The following DNM3 variants were observed in gnomAD, a reference collection of about 807,000 sequenced individuals.
DNM3 encodes dynamin 3.
A neutral mutation model predicts 101.6 loss-of-function variants in DNM3; 47 were observed. That is an observed-to-expected ratio of 0.46 (90% CI 0.37 to 0.59). DNM3 has a LOEUF of 0.59. DNM3 is among the 20% of genes least tolerant of loss of function. The pLI, the probability that DNM3 is intolerant of heterozygous loss-of-function variation, is 0.00. For missense variants in DNM3, 849 were observed against 1,085.7 expected (o/e 0.78, Z 3.06); for synonymous variants, 385 against 387.9 (o/e 0.99, Z 0.09).
At chr1:172,418,298 T>C in exon 21 of DNM3, 1 of 1,289,590 alleles carries the variant, frequency 7.8e-7, no homozygotes, top group Non-Finnish European at 1.0e-6. Flanking sequence ...CCTCCTGCAG[T>C]TCCAGGACGA....
chr1:172,352,975 C>T (rs1025520710), intron 17 of DNM3, among the ~76,000 whole-genome samples: 3 of 152,134 alleles, frequency 2.0e-5, no homozygotes, highest in African/African-American at 7.2e-5. Flanking sequence ...TCTGTTTCCC[C>T]ATTCAGCACA....
At chr1:171,928,517 G>A (rs1380164974) in intron 2 of DNM3, among the ~76,000 whole-genome samples, 3 of 152,128 alleles carry the variant, frequency 2.0e-5, no homozygotes, top group Admixed American at 2.0e-4. Context: ...ACCAAGCCAG[G>A]GGTTCCCTGT....
chr1:172,288,625 G>A (rs1203989471), intron 15 of DNM3, among the ~76,000 whole-genome samples: 1 of 152,214 alleles, frequency 6.6e-6, no homozygotes. Context: ...GAATAAATGG[G>A]AGCTATTAAC....
At chr1:172,231,799 C>A (rs1018098093) in intron 14 of DNM3, among the ~76,000 whole-genome samples, 1 of 152,130 alleles carries the variant, frequency 6.6e-6, no homozygotes, top group Non-Finnish European at 1.5e-5. Flanking sequence ...GATGAATGCA[C>A]AAGCTTCAGT....
At position 172,308,772 on chromosome 1, in the gene DNM3, C is replaced by T; in HGVS notation, c.1814C>T (p.Ser605Phe). 1 of 1,609,136 alleles carries T rather than the reference C, an allele frequency of 6.2e-7. No homozygotes were observed. Among genetic ancestry groups the T allele is most frequent in the Non-Finnish European group, 8.5e-7 (1 of 1,177,970 alleles). The change falls in exon 16 of 21, where the codon TCC becomes TTC. Residue 605 changes from serine (S) to phenylalanine (F), a missense_variant. Physicochemically the swap from Ser to Phe is radical, Grantham distance 155. Transcript: ENST00000627582. ...CGCTTCCTTGAGCTGGCATGTGATTCCCAGGAGGATGTCGACAGCTGGAAG... is the reference window on the plus strand; with the variant it reads ...CGCTTCCTTGAGCTGGCATGTGATTTCCAGGAGGATGTCGACAGCTGGAAG... Reference protein sequence around the residue: ...DYRFLELACDSQEDVDSWKAS... With the variant: ...DYRFLELACDFQEDVDSWKAS...
intron 15 of DNM3, among the ~76,000 whole-genome samples, chr1:172,280,118 T>A (rs1176943868): frequency 6.6e-6 from 1 of 152,110 alleles, no homozygotes; most frequent in African/African-American, 2.4e-5. Context: ...TGTTCCTGTC[T>A]GAGGGCCTTT....
At chr1:172,064,120 T>G (rs970496802) in intron 10 of DNM3, among the ~76,000 whole-genome samples, 2 of 152,188 alleles carry the variant, frequency 1.3e-5, no homozygotes, top group African/African-American at 4.8e-5. Flanking sequence ...AATTTAGGAA[T>G]GTAATTATTA....
At chr1:172,373,866 A>G (rs1426969379) in intron 17 of DNM3, among the ~76,000 whole-genome samples, 1 of 152,110 alleles carries the variant, frequency 6.6e-6, no homozygotes, top group Non-Finnish European at 1.5e-5. Flanking sequence ...ATTAGTAGTT[A>G]TAGAACTCTC....
chr1:172,410,173 CTA>C lies in DNM3; in HGVS notation c.*2334_*2335del, dbSNP rs1213011701. 2 of 985,276 alleles carry C rather than the reference CTA, an allele frequency of 2.0e-6. No individual in the cohort carries two copies. The highest frequency in any genetic ancestry group is 2.4e-6 in the Non-Finnish European group (2 of 829,856). 61.0% of individuals were successfully genotyped at this position (985,276 alleles called of 1,614,324 possible). On this transcript the variant is annotated 3_prime_UTR_variant, in exon 21 of 21. Coordinates refer to ENST00000627582, the MANE Select transcript of DNM3 (RefSeq NM_015569.5). ...AGAATATTTTTAATTTGCTGCAGTA[CTA>C]TGTCATATTATTAGTATGAATCTCA...
At chr1:172,331,829 A>T (rs1161036707) in intron 17 of DNM3, among the ~76,000 whole-genome samples, 1 of 152,224 alleles carries the variant, frequency 6.6e-6, no homozygotes, top group Non-Finnish European at 1.5e-5. Context: ...CTTACAAATT[A>T]ATAAGGAAAG....
At chr1:172,118,257 T>C (rs1478855774) in intron 13 of DNM3, among the ~76,000 whole-genome samples, 1 of 152,206 alleles carries the variant, frequency 6.6e-6, no homozygotes, top group East Asian at 1.9e-4. Flanking sequence ...CTAACACTTA[T>C]TTAATACCTG....
chr1:172,049,572 G>C (rs534237096), intron 10 of DNM3, among the ~76,000 whole-genome samples: 1 of 152,074 alleles, frequency 6.6e-6, no homozygotes, highest in Non-Finnish European at 1.5e-5. Flanking sequence ...TGAATTCCTC[G>C]GTTCATGAAA....
chr1:171,884,107 G>A (rs1223997245), intron 1 of DNM3, among the ~76,000 whole-genome samples: 1 of 152,164 alleles, frequency 6.6e-6, no homozygotes, highest in Admixed American at 6.5e-5. Context: ...CAGCCCTGAC[G>A]AAACTTCTAG....
At chr1:172,345,829 A>T (rs2066901495) in intron 17 of DNM3, among the ~76,000 whole-genome samples, 2 of 152,164 alleles carry the variant, frequency 1.3e-5, no homozygotes, top group South Asian at 4.1e-4. Flanking sequence ...TTATGTTAGG[A>T]GGTGGAGATG....
chr1:172,245,590 G>A (rs1198516930), intron 14 of DNM3, among the ~76,000 whole-genome samples: 1 of 152,218 alleles, frequency 6.6e-6, no homozygotes, highest in Non-Finnish European at 1.5e-5. Flanking sequence ...GGTATCACAG[G>A]AGTAGTTTGA....
At chr1:172,114,065 A>G (rs1344204213) in intron 13 of DNM3, among the ~76,000 whole-genome samples, 3 of 152,230 alleles carry the variant, frequency 2.0e-5, no homozygotes, top group Admixed American at 1.3e-4. Context: ...GAAAATGAAC[A>G]ACAAAAAGAC....
rs186685020 is a variant in DNM3 at position 172,108,345 on chromosome 1, G to A, written c.1545+15470G>A. Among the ~76,000 whole-genome samples the A allele has an allele frequency of 5.9e-3, 890 of 151,756 alleles. 7 individuals carry two copies. Among genetic ancestry groups the A allele is most frequent in the Admixed American group, 0.01 (154 of 15,254 alleles). On this transcript the variant is annotated intron_variant, in intron 13 of 20. Transcript: ENST00000627582. The stretch of plus-strand genomic sequence containing the variant: ...AATGACCAAGTCTCTTATAGCTTCT[G>A]TGGAACCATTTTTACTTTCCCTTGG...
chr1:172,056,275 C>T (rs2050611464), intron 10 of DNM3, among the ~76,000 whole-genome samples: 1 of 152,170 alleles, frequency 6.6e-6, no homozygotes, highest in Non-Finnish European at 1.5e-5. Context: ...GAGGGGCACC[C>T]GACATTGCCC....
chr1:172,322,205 C>T (rs2065748542), intron 16 of DNM3, among the ~76,000 whole-genome samples: 2 of 152,256 alleles, frequency 1.3e-5, no homozygotes, highest in South Asian at 4.1e-4. Context: ...TTATTTCCCC[C>T]TTCACATCCT....
Sources: allele counts gnomAD v4.1 joint callset (sites outside exome capture counted in the v4.1 genomes callset), GRCh38; gene constraint gnomAD v4.1.1; transcripts MANE v1.5; gene names NCBI Gene and HGNC (gene_info 2026-07-23, HGNC 2026-07-21).